Variants in DTNA observed in about 807,000 individuals in gnomAD.
DTNA encodes dystrophin-related protein 3.
In DTNA, 43 loss-of-function variants were observed where a neutral mutation model predicts 100.7. The observed-to-expected ratio is 0.43, with a 90% CI of 0.33 to 0.55. The LOEUF is 0.55. Ranked by LOEUF, DTNA falls within the 20% of genes least tolerant of loss-of-function variation. The pLI is 0.04. For synonymous variants in DTNA, 349 were observed against 347.9 expected (o/e 1.00, Z -0.04); for missense variants, 798 against 953.9 (o/e 0.84, Z 2.15).
chr18:34,541,565 T>G (rs1255745922), intron 1 of DTNA, among the ~76,000 whole-genome samples: 1 of 152,068 alleles, frequency 6.6e-6, no homozygotes, highest in East Asian at 1.9e-4. Context: ...CCTGCAACCA[T>G]GATTGTGAGG....
At chr18:34,866,282 G>A in intron 17 of DTNA, 2 of 1,543,276 alleles carry the variant, frequency 1.3e-6, no homozygotes, top group Middle Eastern at 2.2e-4. Context: ...TCAATGTAGT[G>A]CTTGAATTGA....
rs569197284 is a variant in DTNA at position 34,828,944 on chromosome 18, T to A, written c.1086-456T>A. On this transcript the variant is annotated intron_variant, in intron 10 of 22. Transcript: ENST00000444659. ...ATCTAGGGAAGACCTGATGTGATGT[T>A]TAGAAATATGTACTTTTATTAGGAA... 10 of 1,395,280 alleles carry A rather than the reference T, an allele frequency of 7.2e-6. No individual in the cohort carries two copies. In the African/African-American group the frequency reaches 8.5e-5, roughly 12 times the overall value. 86.4% of individuals were successfully genotyped at this position (1,395,280 alleles called of 1,614,324 possible). A position where few individuals can be genotyped will look rare whatever the true frequency, so the allele number is the denominator to read the frequency against.
intron 1 of DTNA, among the ~76,000 whole-genome samples, chr18:34,696,318 C>A (rs568807914): frequency 6.6e-6 from 1 of 152,142 alleles, no homozygotes; most frequent in East Asian, 1.9e-4. Flanking sequence ...GTGGCTCATG[C>A]CTGTAATCCC....
chr18:34,592,667 G>GC (rs1191867642), intron 1 of DTNA, among the ~76,000 whole-genome samples: 5 of 151,934 alleles, frequency 3.3e-5, no homozygotes, highest in African/African-American at 1.2e-4. Flanking sequence ...TGCACAGATT[G>GC]AACAGTTGCC....
At chr18:34,714,248 A>G (rs941299458) in intron 1 of DTNA, among the ~76,000 whole-genome samples, 2 of 150,296 alleles carry the variant, frequency 1.3e-5, no homozygotes. Context: ...TAATTAAACT[A>G]AAGAGCTTCT....
At chr18:34,574,835 CT>C (rs1271086975) in intron 1 of DTNA, among the ~76,000 whole-genome samples, 1 of 152,058 alleles carries the variant, frequency 6.6e-6, no homozygotes, top group African/African-American at 2.4e-5. Flanking sequence ...GACATGGGTT[CT>C]TGCTGTTTTG....
intron 2 of DTNA, among the ~76,000 whole-genome samples, chr18:34,758,016 G>T (rs1181947574): frequency 6.6e-6 from 1 of 152,204 alleles, no homozygotes; most frequent in African/African-American, 2.4e-5. Context: ...GTAGGATTCG[G>T]CTGGATAAAA....
At chr18:34,872,432 G>T (rs2096774368) in intron 17 of DTNA, among the ~76,000 whole-genome samples, 1 of 152,168 alleles carries the variant, frequency 6.6e-6, no homozygotes, top group Non-Finnish European at 1.5e-5. Context: ...ATGGTCCATA[G>T]CCCCATATCT....
chr18:34,494,787 A>G (rs1182108251), intron 1 of DTNA, among the ~76,000 whole-genome samples: 3 of 152,070 alleles, frequency 2.0e-5, no homozygotes, highest in South Asian at 2.1e-4. Context: ...TTTTCCTGTT[A>G]TATGTCATCA....
At chr18:34,768,434 T>A (rs2093603494) in intron 3 of DTNA, among the ~76,000 whole-genome samples, 1 of 141,996 alleles carries the variant, frequency 7.0e-6, no homozygotes, top group African/African-American at 3.1e-5. Context: ...GGACACACTG[T>A]GTTGTCCCCA....
chr18:34,584,292 A>G (rs547074503), intron 1 of DTNA, among the ~76,000 whole-genome samples: 17 of 152,356 alleles, frequency 1.1e-4, no homozygotes, highest in African/African-American at 1.4e-4. Context: ...TCTCCAACAA[A>G]GAGACCAAAG....
chr18:34,838,897 C>CA, intron 13 of DTNA, 60 bp downstream of exon 13: 7 of 1,479,864 alleles, frequency 4.7e-6, no homozygotes, highest in Non-Finnish European at 6.6e-6. Flanking sequence ...GAGCTGGTGA[C>CA]AAGCAGTCTC....
intron 1 of DTNA, among the ~76,000 whole-genome samples, chr18:34,510,819 G>A (rs2041005021): frequency 6.6e-6 from 1 of 151,876 alleles, no homozygotes; most frequent in African/African-American, 2.4e-5. Context: ...AGATCTGCAT[G>A]TCACAATCCA....
At chr18:34,660,185 A>C (rs569996818) in intron 1 of DTNA, among the ~76,000 whole-genome samples, 1 of 152,070 alleles carries the variant, frequency 6.6e-6, no homozygotes, top group Non-Finnish European at 1.5e-5. Flanking sequence ...AAGCTGTGTA[A>C]ACTGAAAATA....
intron 3 of DTNA, among the ~76,000 whole-genome samples, chr18:34,774,604 A>G (rs531826046): frequency 7.3e-4 from 111 of 152,384 alleles, no homozygotes; most frequent in Admixed American, 5.9e-4. Flanking sequence ...GTGTGAGTAC[A>G]AAGTGGACCA....
chr18:34,821,024 T>C, intron 9 of DTNA, 109 bp downstream of exon 9: 1 of 1,519,310 alleles, frequency 6.6e-7, no homozygotes, highest in Non-Finnish European at 9.0e-7. Flanking sequence ...GATTTTTAAT[T>C]TAGTTTAAAA....
intron 1 of DTNA, among the ~76,000 whole-genome samples, chr18:34,681,989 AT>A (rs1327619354): frequency 6.6e-6 from 1 of 151,970 alleles, no homozygotes; most frequent in African/African-American, 2.4e-5. Flanking sequence ...CTCACCCCTC[AT>A]CTTTTTACTG....
chr18:34,669,143 G>A (rs953166095), intron 1 of DTNA, among the ~76,000 whole-genome samples: 2 of 152,180 alleles, frequency 1.3e-5, no homozygotes, highest in African/African-American at 4.8e-5. Flanking sequence ...AGGATAGTTA[G>A]CACTTCTTGT....
intron 1 of DTNA, among the ~76,000 whole-genome samples, chr18:34,555,926 G>T (rs974800975): frequency 1.3e-5 from 2 of 151,760 alleles, no homozygotes; most frequent in Non-Finnish European, 2.9e-5. Flanking sequence ...GGGTATCCTT[G>T]TTGACTTTCT....
Sources: allele counts gnomAD v4.1 joint callset (sites outside exome capture counted in the v4.1 genomes callset), GRCh38; gene constraint gnomAD v4.1.1; transcripts MANE v1.5; gene names NCBI Gene and HGNC (gene_info 2026-07-23, HGNC 2026-07-21).